The following PCDHA4 variants were observed in gnomAD, a reference collection of about 807,000 sequenced individuals.
PCDHA4 encodes the protein protocadherin alpha 4, also known as protocadherin alpha-4.
A neutral mutation model predicts 61.4 loss-of-function variants in PCDHA4; 49 were observed. The observed-to-expected ratio is 0.80, with a 90% CI of 0.63 to 1.01. PCDHA4 has a LOEUF of 1.01. PCDHA4 is among the 50% of genes least tolerant of loss of function. The pLI, the probability that PCDHA4 is intolerant of heterozygous loss-of-function variation, is 0.00. For synonymous variants in PCDHA4, 590 were observed against 550.3 expected, an observed-to-expected ratio of 1.07 and a Z score of -1.01; for missense variants, 1,254 against 1,235.8, an observed-to-expected ratio of 1.01 and a Z score of -0.22.
Position 140,857,156 on chromosome 5 carries a change from C to T in PCDHA4, c.2385+47584C>T, listed in dbSNP as rs782492965. The T allele has an allele frequency of 4.4e-5, 71 of 1,598,308 alleles. 2 individuals carry two copies. In the South Asian group the frequency reaches 7.7e-4, roughly 17 times the overall value. On this transcript the variant is annotated intron_variant, in intron 1 of 3. Transcript: ENST00000530339. ...TGCTCAAGTGGGCACCGTCATTGCC[C>T]TAATCAGCGTTTCTGACCATGATTC...
intron 1 of PCDHA4, among the ~76,000 whole-genome samples, chr5:140,881,717 G>A (rs374516377): frequency 2.6e-5 from 4 of 152,160 alleles, no homozygotes; most frequent in African/African-American, 9.7e-5. Flanking sequence ...GTGTGAGGAG[G>A]TCTTGAAAAA....
intron 3 of PCDHA4, among the ~76,000 whole-genome samples, chr5:140,996,349 A>G (rs2097722990): frequency 6.6e-6 from 1 of 152,184 alleles, no homozygotes; most frequent in African/African-American, 2.4e-5. Flanking sequence ...AACCCAACCA[A>G]AGTCAGAAGC....
intron 3 of PCDHA4, among the ~76,000 whole-genome samples, chr5:140,985,932 G>A (rs1554247524): frequency 6.6e-6 from 1 of 151,798 alleles, no homozygotes; most frequent in African/African-American, 2.4e-5. Flanking sequence ...GTAGAGCCGG[G>A]GTTTCACTGT....
intron 1 of PCDHA4, among the ~76,000 whole-genome samples, chr5:140,855,354 G>T (rs1250277544): frequency 6.7e-6 from 1 of 149,904 alleles, no homozygotes; most frequent in Non-Finnish European, 1.5e-5. Context: ...AAGTCATGTG[G>T]CTAGTGAGTA....
At chr5:140,859,400 G>T in intron 1 of PCDHA4, 1 of 258,574 alleles carries the variant, frequency 3.9e-6, no homozygotes, top group South Asian at 8.7e-5. Context: ...CTTAAACAGG[G>T]TTGGGTTAGA....
At chr5:140,925,138 CA>C (rs2153576707) in intron 1 of PCDHA4, among the ~76,000 whole-genome samples, 1 of 151,676 alleles carries the variant, frequency 6.6e-6, no homozygotes, top group South Asian at 2.1e-4. Flanking sequence ...AAATTTCAAA[CA>C]TACACAAAAG....
chr5:140,860,911 G>A (rs1302618157), intron 1 of PCDHA4: 1 of 152,150 alleles, frequency 6.6e-6, no homozygotes, highest in Non-Finnish European at 1.5e-5. Context: ...CTAATTTTTT[G>A]TATTTTTAGT....
At chr5:140,826,840 A>T (rs1244045746) in intron 1 of PCDHA4, among the ~76,000 whole-genome samples, 1 of 152,186 alleles carries the variant, frequency 6.6e-6, no homozygotes, top group Non-Finnish European at 1.5e-5. Flanking sequence ...AAGTTTCTCA[A>T]GTGTCTTGCA....
chr5:140,991,139 G>GT (rs1563571112), intron 3 of PCDHA4, among the ~76,000 whole-genome samples: 3 of 152,126 alleles, frequency 2.0e-5, no homozygotes, highest in Non-Finnish European at 4.4e-5. Flanking sequence ...TAGTAAAAAT[G>GT]TTTTTTGCTC....
Position 140,848,697 on chromosome 5 carries a change from T to C in PCDHA4, c.2385+39125T>C. ...GGTGCCGCGCCTGTTCCAGTTGGAT[T>C]CCAAAGGCCGCGGGGACCTTCTGGA... On this transcript the variant is annotated intron_variant, in intron 1 of 3. Coordinates refer to ENST00000530339, the MANE Select transcript of PCDHA4 (RefSeq NM_018907.4). 11 of 1,592,356 alleles carry C rather than the reference T, an allele frequency of 6.9e-6. 1 individual carries two copies. The highest frequency in any genetic ancestry group is 9.5e-6 in the Non-Finnish European group (11 of 1,163,328).
chr5:140,864,502 C>A (rs989482807), intron 1 of PCDHA4: 2 of 152,088 alleles, frequency 1.3e-5, no homozygotes, highest in African/African-American at 4.8e-5. Context: ...TTTAGCCTTG[C>A]CTTTAAAGGT....
rs2150328555 is a variant in PCDHA4 at position 140,842,062 on chromosome 5, C to T, written c.2385+32490C>T. ...CTCCCACTTTCGAACAGTCTGAATA[C>T]GAAGTAAGAATATTCGAAAACGCAG... On this transcript the variant is annotated intron_variant, in intron 1 of 3. Coordinates refer to ENST00000530339, the MANE Select transcript of PCDHA4 (RefSeq NM_018907.4). 5 of 1,613,774 alleles carry T rather than the reference C, an allele frequency of 3.1e-6. No individual in the cohort carries two copies. The African/African-American group carries it at 6.7e-5, about 22-fold the overall frequency.
rs534285783 is a variant in PCDHA4, at chr5:140,808,385, A to G, written c.1198A>G (p.Thr400Ala). The change falls in exon 1 of 4, where the codon ACC becomes GCC. Residue 400 changes from threonine to alanine, a missense_variant. Transcript: ENST00000530339. ...TSHVPFKLVS[T>A]FKNYYSLVLD... Reference sequence around the variant, plus strand: ...CCACGTCCCCTTCAAGCTGGTGTCCACCTTCAAGAATTACTACTCGTTGGT... The same window carrying G: ...CCACGTCCCCTTCAAGCTGGTGTCCGCCTTCAAGAATTACTACTCGTTGGT... 6.2e-7 allele frequency: 1 copy of G among 1,614,148 alleles called. No homozygotes were observed. The highest frequency in any genetic ancestry group is 1.3e-5 in the African/African-American group (1 of 75,064).
At chr5:140,869,669 T>C (rs1461591468) in intron 1 of PCDHA4, 49 of 1,613,358 alleles carry the variant, frequency 3.0e-5, no homozygotes, top group Non-Finnish European at 4.1e-5. Context: ...GGTAAGCAGA[T>C]TAAAAGACTG....
At chr5:140,819,356 A>T (rs1766542325) in intron 1 of PCDHA4, among the ~76,000 whole-genome samples, 2 of 152,128 alleles carry the variant, frequency 1.3e-5, no homozygotes. Context: ...ATGAAGATTA[A>T]ATTTTCTTGT....
At chr5:140,904,725 C>A (rs1554191671) in intron 1 of PCDHA4, among the ~76,000 whole-genome samples, 1 of 152,050 alleles carries the variant, frequency 6.6e-6, no homozygotes, top group Non-Finnish European at 1.5e-5. Context: ...TGGCCAACAT[C>A]TATTATTTTT....
chr5:140,823,897 A>G (rs2150130123), intron 1 of PCDHA4: 1 of 1,613,954 alleles, frequency 6.2e-7, no homozygotes, highest in Admixed American at 1.7e-5. Flanking sequence ...TGCGGTGTCC[A>G]GCCTGCTGGT....
intron 1 of PCDHA4, chr5:140,929,032 T>C (rs781951889): frequency 1.9e-6 from 3 of 1,614,236 alleles, no homozygotes; most frequent in East Asian, 2.2e-5. Flanking sequence ...CCCAGGCTGT[T>C]GCGCTCAGAG....
chr5:140,823,662 G>A (rs1385284289), intron 1 of PCDHA4: 4 of 1,613,946 alleles, frequency 2.5e-6, no homozygotes, highest in African/African-American at 2.7e-5. Context: ...ACACAGGCGA[G>A]ATCAGCACAA....
Sources: gnomAD v4.1 joint callset for allele counts (sites outside exome capture counted in the v4.1 genomes callset) on GRCh38, gnomAD v4.1.1 for gene constraint, MANE v1.5 for transcripts, NCBI Gene and HGNC (gene_info 2026-07-23, HGNC 2026-07-21) for gene names.